The following NME8 variants were observed in gnomAD, a reference collection of about 807,000 sequenced individuals.
NME8 encodes the protein NME/NM23 family member 8.
In NME8, 72 loss-of-function variants were observed where a neutral mutation model predicts 82.3. The observed-to-expected ratio is 0.87, with a 90% CI of 0.72 to 1.06. The LOEUF is 1.06. NME8 is among the 50% of genes least tolerant of loss of function. The pLI, the probability that NME8 is intolerant of heterozygous loss-of-function variation, is 0.00. For synonymous variants in NME8, 267 were observed against 228.5 expected (o/e 1.17, Z -1.52); for missense variants, 712 against 685.4 (o/e 1.04, Z -0.43).
At chr7:37,864,690 A>G (rs1299049506) in intron 9 of NME8, among the ~76,000 whole-genome samples, 1 of 152,154 alleles carries the variant, frequency 6.6e-6, no homozygotes, top group Non-Finnish European at 1.5e-5. Context: ...GTCTGTCTTC[A>G]TGCTGCTGAT....
chr7:37,857,781 A>G (rs946674817), intron 6 of NME8, among the ~76,000 whole-genome samples: 2 of 152,214 alleles, frequency 1.3e-5, no homozygotes, highest in African/African-American at 4.8e-5. Flanking sequence ...GAAGAAAGCA[A>G]GTGGATCCAC....
At chr7:37,872,532 T>C (rs1352314030) in intron 11 of NME8, among the ~76,000 whole-genome samples, 1 of 152,196 alleles carries the variant, frequency 6.6e-6, no homozygotes, top group Admixed American at 6.5e-5. Flanking sequence ...TAGGTATACA[T>C]TTAAAAAGCC....
rs142570057 is a variant in NME8 at position 37,857,301 on chromosome 7, C to A, written c.226C>A (p.Gln76Lys). 1.7e-4 allele frequency: 278 copies of A among 1,611,156 alleles called. 1 individual carries two copies. Among genetic ancestry groups the A allele is most frequent in the Non-Finnish European group, 7.9e-5 (93 of 1,178,204 alleles). Residue 76 changes from glutamine (Q) to lysine (K), a missense_variant, in exon 6 of 18, where the codon CAG becomes AAG. Gln to Lys is a moderately conservative substitution (Grantham distance 53). Transcript: ENST00000199447. The stretch of plus-strand genomic sequence containing the variant: ...AGAAGCTGACAACATTGTGACTTTG[C>A]AGCCATTTAGAGATAAATGTGAACC... ...VAEADNIVTL[Q>K]PFRDKCEPVF...
chr7:37,873,749 A>G (rs1784807305), intron 11 of NME8, among the ~76,000 whole-genome samples: 1 of 152,222 alleles, frequency 6.6e-6, no homozygotes, highest in African/African-American at 2.4e-5. Flanking sequence ...ACTACTTATG[A>G]AAGGATAAGT....
At position 37,882,154 on chromosome 7, in the gene NME8, C is replaced by T. The variant is rs977417487; in HGVS notation, c.995-2149C>T. The stretch of plus-strand genomic sequence containing the variant: ...TACACATTTATTTAACTATTAAGCA[C>T]CTTACTTAGAAATTTGCCTGTGATT... On this transcript the variant is annotated intron_variant, in intron 12 of 17. Transcript: ENST00000199447. 7.9e-5 allele frequency among the ~76,000 whole-genome samples: 12 copies of T among 152,130 alleles called. 1 individual carries two copies. Among genetic ancestry groups the T allele is most frequent in the Non-Finnish European group, 1.3e-4 (9 of 68,028 alleles).
intron 5 of NME8, among the ~76,000 whole-genome samples, chr7:37,853,616 C>T (rs1303908034): frequency 6.6e-6 from 1 of 152,088 alleles, no homozygotes; most frequent in Non-Finnish European, 1.5e-5. Context: ...CTAGGGGTTC[C>T]AGATTCTGGT....
At chr7:37,886,364 C>T (rs552015321) in intron 14 of NME8, among the ~76,000 whole-genome samples, 16 of 152,292 alleles carry the variant, frequency 1.1e-4, no homozygotes, top group African/African-American at 3.8e-4. Flanking sequence ...CCCATCTCCA[C>T]CCCACTATCA....
rs765575800 is a variant in NME8, at chr7:37,863,441, G to C, written c.433G>C (p.Glu145Gln). ...AGACTCAGATTCAGAAGTTAGTGAA[G>C]AATCACCATGTGAAAGTGTTCGTAA... The part of the protein sequence containing the change: ...LVDSDSEVSE[E>Q]SPCESVQELY... Residue 145 changes from glutamate (E) to glutamine (Q), a missense_variant, in exon 8 of 18, where the codon GAA (glutamate) becomes CAA (glutamine). Physicochemically the swap from Glu to Gln is conservative, Grantham distance 29 (BLOSUM62 2). Coordinates refer to ENST00000199447, the MANE Select transcript of NME8 (RefSeq NM_016616.5). 6.3e-7 allele frequency: 1 copy of C among 1,599,526 alleles called. No homozygotes were observed. The highest frequency in any genetic ancestry group is 8.6e-7 in the Non-Finnish European group (1 of 1,166,948).
chr7:37,882,546 G>GGAAAGAAAGAAAGAAA (rs753903098), intron 12 of NME8, among the ~76,000 whole-genome samples: 75 of 102,098 alleles, frequency 7.3e-4, no homozygotes, highest in Middle Eastern at 4.6e-3. Flanking sequence ...AGGGAGGAAG[G>GGAAAGAAAGAAAGAAA]GAAAGAAAGA....
In NME8 at chr7:37,884,161, C is replaced by G. The variant is rs2131967033; in HGVS notation, c.995-142C>G. The G allele has an allele frequency of 1.3e-5, 8 of 635,870 alleles. No individual in the cohort carries two copies. The South Asian group carries it at 1.5e-4, about 12-fold the overall frequency. 39.4% of individuals were successfully genotyped at this position (635,870 alleles called of 1,614,324 possible). On this transcript the variant is annotated intron_variant, in intron 12 of 17. Coordinates refer to ENST00000199447, the MANE Select transcript of NME8 (RefSeq NM_016616.5). ...GATACTATTCACCTTAAATTAAAAC[C>G]TAAGAAGGTATTTCTGCAAACTTTC... is the stretch of plus-strand genomic sequence containing the variant.
intron 11 of NME8, among the ~76,000 whole-genome samples, chr7:37,871,475 G>A (rs1171692338): frequency 6.6e-6 from 1 of 152,210 alleles, no homozygotes; most frequent in African/African-American, 2.4e-5. Flanking sequence ...GATCAGGAAG[G>A]TGTGGTTCCA....
intron 12 of NME8, among the ~76,000 whole-genome samples, chr7:37,883,827 G>A (rs1296457942): frequency 6.6e-6 from 1 of 152,162 alleles, no homozygotes; most frequent in Non-Finnish European, 1.5e-5. Context: ...GAGAGAAGAA[G>A]GTTGAGAAAT....
intron 7 of NME8, among the ~76,000 whole-genome samples, chr7:37,862,868 C>A: frequency 6.6e-6 from 1 of 152,014 alleles, no homozygotes; most frequent in African/African-American, 2.4e-5. Context: ...GCCTGTAATC[C>A]CAGCACTTCG....
chr7:37,877,211 C>T (rs1405079030), intron 12 of NME8, among the ~76,000 whole-genome samples: 1 of 152,138 alleles, frequency 6.6e-6, no homozygotes, highest in Non-Finnish European at 1.5e-5. Context: ...ATTTTCTAAT[C>T]TGTGAATTTG....
chr7:37,855,800 G>A (rs981493246), intron 5 of NME8, among the ~76,000 whole-genome samples: 4 of 151,986 alleles, frequency 2.6e-5, no homozygotes, highest in African/African-American at 4.8e-5. Flanking sequence ...AGAGTCTATA[G>A]GCATGCCTTT....
intron 16 of NME8, among the ~76,000 whole-genome samples, chr7:37,896,049 ACAC>A (rs1298588341): frequency 6.6e-6 from 1 of 152,158 alleles, no homozygotes; most frequent in Non-Finnish European, 1.5e-5. Flanking sequence ...GCACACACAC[ACAC>A]GTGTGTATAA....
chr7:37,876,086 G>C (rs1315930085), intron 11 of NME8, among the ~76,000 whole-genome samples: 2 of 135,284 alleles, frequency 1.5e-5, no homozygotes, highest in African/African-American at 5.3e-5. Flanking sequence ...GTGTGCGCCT[G>C]TAGTCCCAGC....
intron 17 of NME8, among the ~76,000 whole-genome samples, chr7:37,899,543 G>A (rs918158425): frequency 2.0e-5 from 3 of 152,160 alleles, no homozygotes; most frequent in Non-Finnish European, 4.4e-5. Flanking sequence ...CTGGGGGAGG[G>A]AGAGCATCAG....
chr7:37,882,260 C>T (rs1362182185), intron 12 of NME8, among the ~76,000 whole-genome samples: 1 of 152,008 alleles, frequency 6.6e-6, no homozygotes, highest in East Asian at 1.9e-4. Flanking sequence ...GGCCAGGCAG[C>T]CGCATTGCTT....
Sources: gnomAD v4.1 joint callset for allele counts (sites outside exome capture counted in the v4.1 genomes callset) on GRCh38, gnomAD v4.1.1 for gene constraint, MANE v1.5 for transcripts, NCBI Gene and HGNC (gene_info 2026-07-23, HGNC 2026-07-21) for gene names.